The following AGO2 variants were observed in gnomAD, a reference collection of about 807,000 sequenced individuals.
AGO2 encodes the protein argonaute RISC catalytic component 2.
Under a neutral mutation model 102.3 loss-of-function variants are expected in AGO2, and 5 were observed. That is an observed-to-expected ratio of 0.05 (90% confidence interval 0.03 to 0.10). The LOEUF is 0.10. AGO2 is among the 10% of genes least tolerant of loss of function. The probability of loss-of-function intolerance (pLI) is 1.00; values close to 1 mark genes in which losing one functional copy is unlikely to be tolerated. For synonymous variants in AGO2, 449 were observed against 473.1 expected (o/e 0.95, Z 0.66); for missense variants, 541 against 1,183.7 (o/e 0.46, Z 7.97).
At chr8:140,606,746 G>A (rs2074003058) in intron 1 of AGO2, among the ~76,000 whole-genome samples, 1 of 151,992 alleles carries the variant, frequency 6.6e-6, no homozygotes, top group South Asian at 2.1e-4. Flanking sequence ...AGACCAGCCT[G>A]ACCAACATGG....
At chr8:140,618,235 G>T (rs929967625) in intron 1 of AGO2, among the ~76,000 whole-genome samples, 1 of 151,780 alleles carries the variant, frequency 6.6e-6, no homozygotes, top group Admixed American at 6.6e-5. Flanking sequence ...CAGGAGAATC[G>T]CTTGAACCCA....
At chr8:140,608,621 G>A (rs1025797013) in intron 1 of AGO2, among the ~76,000 whole-genome samples, 5 of 152,188 alleles carry the variant, frequency 3.3e-5, no homozygotes, top group Non-Finnish European at 5.9e-5. Flanking sequence ...TGGCAGCACC[G>A]CATGCCACCT....
chr8:140,542,799 C>T (rs1363410341), intron 14 of AGO2, among the ~76,000 whole-genome samples: 1 of 152,204 alleles, frequency 6.6e-6, no homozygotes, highest in African/African-American at 2.4e-5. Context: ...AGCTGTGGCT[C>T]GGTGACAGCC....
intron 1 of AGO2, among the ~76,000 whole-genome samples, chr8:140,618,294 T>C (rs1399888487): frequency 6.8e-6 from 1 of 147,504 alleles, no homozygotes; most frequent in East Asian, 2.0e-4. Context: ...CACTCTAGCC[T>C]AGGCAACAGA....
At chr8:140,587,158 G>A (rs938445222) in intron 1 of AGO2, among the ~76,000 whole-genome samples, 4 of 152,100 alleles carry the variant, frequency 2.6e-5, no homozygotes, top group South Asian at 2.1e-4. Flanking sequence ...AGCCTTCCCC[G>A]AGACTACCTC....
rs920462312 is a variant in AGO2, at chr8:140,589,169, C to G, written c.23-3858G>C. Among the ~76,000 whole-genome samples, 16 of 152,186 alleles carry G rather than the reference C, an allele frequency of 1.1e-4. No homozygotes were observed. Among genetic ancestry groups the G allele is most frequent in the African/African-American group, 3.6e-4 (15 of 41,432 alleles). On this transcript the variant is annotated intron_variant, in intron 1 of 18. Transcript: ENST00000220592. This position sits in a 1 kb window ranked among gnomAD's most constrained non-coding sequence, Gnocchi z 4.2. ...TGTGGAGCAGACTCTGTGCCACCTGCCCTGAGGGCCATCTAAGTAAGGGAC... is the reference window on the plus strand; with the variant it reads ...TGTGGAGCAGACTCTGTGCCACCTGGCCTGAGGGCCATCTAAGTAAGGGAC...
chr8:140,566,033 CAA>C (rs112182891), intron 3 of AGO2, among the ~76,000 whole-genome samples: 9 of 126,210 alleles, frequency 7.1e-5, no homozygotes, highest in African/African-American at 2.3e-4. Context: ...GAAATTGTTT[CAA>C]AAAAAAAAAA....
Position 140,525,725 on chromosome 8 carries a change from T to G in AGO2, c.*6319A>C, listed in dbSNP as rs528566013. ...AACTGTCAGATCATCGCCTGTCAAC[T>G]CAGAGTAAACTCATGGAGAAATTGG... On this transcript the variant is annotated 3_prime_UTR_variant, in exon 19 of 19. Transcript: ENST00000220592. The G allele has an allele frequency of 6.6e-6, 1 of 152,030 alleles. No homozygotes were observed. Among genetic ancestry groups the G allele is most frequent in the South Asian group, 2.1e-4 (1 of 4,810 alleles). The allele number at this position is 152,030 out of a possible 1,614,324, so 9.4% of individuals were successfully genotyped here.
At chr8:140,596,860 G>A (rs1052219854) in intron 1 of AGO2, among the ~76,000 whole-genome samples, 12 of 152,252 alleles carry the variant, frequency 7.9e-5, no homozygotes, top group Middle Eastern at 3.4e-3. Flanking sequence ...CTGCTGTGTC[G>A]TCGTGACCGC....
In AGO2 at chr8:140,588,983, G is replaced by A. The variant is rs548030560; in HGVS notation, c.23-3672C>T. ...AGGGAAAAATAGTGAATGAGTAATCGGCTTCCTGTGTGAGCAACTGGGTCA... is the reference window on the plus strand; with the variant it reads ...AGGGAAAAATAGTGAATGAGTAATCAGCTTCCTGTGTGAGCAACTGGGTCA... On this transcript the variant is annotated intron_variant, in intron 1 of 18. Transcript: ENST00000220592. 4.0e-4 allele frequency among the ~76,000 whole-genome samples: 61 copies of A among 152,338 alleles called. 1 individual carries two copies. In the South Asian group the frequency reaches 0.01, roughly 25 times the overall value.
In AGO2 at chr8:140,529,881, A is replaced by T. The variant is rs1375968336; in HGVS notation, c.*2163T>A. 6.6e-6 allele frequency: 1 copy of T among 152,242 alleles called. No homozygotes were observed. Among genetic ancestry groups the T allele is most frequent in the African/African-American group, 2.4e-5 (1 of 41,460 alleles). 9.4% of individuals were successfully genotyped at this position (152,242 alleles called of 1,614,324 possible). A position where few individuals can be genotyped will look rare whatever the true frequency, so the allele number is the denominator to read the frequency against. On this transcript the variant is annotated 3_prime_UTR_variant, in exon 19 of 19. Transcript: ENST00000220592. Reference sequence around the variant, plus strand: ...ACACCTTTGAGACACATGGTTCCAGATGATTGTAAAAATGGCTGGAAACTA... The same window carrying T: ...ACACCTTTGAGACACATGGTTCCAGTTGATTGTAAAAATGGCTGGAAACTA...
At chr8:140,571,446 C>T (rs539537591) in intron 3 of AGO2, among the ~76,000 whole-genome samples, 2 of 152,224 alleles carry the variant, frequency 1.3e-5, no homozygotes, top group Admixed American at 6.5e-5. Context: ...CTACAGCAAG[C>T]GTGATTGCAC....
At chr8:140,635,715 AG>A (rs2074401074), upstream of AGO2, 1 of 54,370 alleles carries the variant, frequency 1.8e-5, no homozygotes, top group African/African-American at 7.0e-5. Context: ...AGGAGGAGGG[AG>A]GGGGAGGGGA....
intron 12 of AGO2, among the ~76,000 whole-genome samples, chr8:140,548,276 A>G (rs1192724332): frequency 4.8e-5 from 7 of 144,748 alleles, no homozygotes; most frequent in Non-Finnish European, 1.0e-4. Context: ...AAATCACACC[A>G]CTGCACTCCA....
rs1382626974 is a variant in AGO2, at chr8:140,567,923, G to A, written c.336+4889C>T. ...GCTGGATCGCTTGAGCTCAGGAGTT[G>A]CAGACCAGCCCGGGCAATGTGGCAA... is the stretch of plus-strand genomic sequence containing the variant. On this transcript the variant is annotated intron_variant, in intron 3 of 18. Transcript: ENST00000220592. The surrounding 1 kb of genome is among the most constrained non-coding windows in gnomAD (Gnocchi z 5.0). 2.0e-5 allele frequency among the ~76,000 whole-genome samples: 3 copies of A among 152,096 alleles called. No individual in the cohort carries two copies. The highest frequency in any genetic ancestry group is 4.4e-5 in the Non-Finnish European group (3 of 68,008).
At position 140,548,795 on chromosome 8, in the gene AGO2, C is replaced by T. The variant is rs545591859; in HGVS notation, c.1588+319G>A. 3.3e-5 allele frequency among the ~76,000 whole-genome samples: 5 copies of T among 152,250 alleles called. No homozygotes were observed. The East Asian group carries it at 5.8e-4, about 18-fold the overall frequency. Reference sequence around the variant, plus strand: ...GGTGACCCTGGTGCAACGCTCTGTGCGTTAAACAAACGTTCCCCCATCCAG... The same window carrying T: ...GGTGACCCTGGTGCAACGCTCTGTGTGTTAAACAAACGTTCCCCCATCCAG... On this transcript the variant is annotated intron_variant, in intron 12 of 18. Transcript: ENST00000220592.
At chr8:140,614,029 A>AAAAAAAG (rs2074111803) in intron 1 of AGO2, among the ~76,000 whole-genome samples, 1 of 149,920 alleles carries the variant, frequency 6.7e-6, no homozygotes, top group Non-Finnish European at 1.5e-5. Context: ...AAAAAAAAAA[A>AAAAAAAG]AAAAAAAAAA....
At position 140,604,431 on chromosome 8, in the gene AGO2, G is replaced by A. The variant is rs138808602; in HGVS notation, c.23-19120C>T. Among the ~76,000 whole-genome samples the A allele has an allele frequency of 8.1e-4, 124 of 152,320 alleles. 1 individual carries two copies. The East Asian group carries it at 0.024, about 29-fold the overall frequency. ...TTTTTGGCTGGGCGCGGTGGCTCAC[G>A]CCTGTAATCCCAGCACTTTGGGAGG... is the stretch of plus-strand genomic sequence containing the variant. On this transcript the variant is annotated intron_variant, in intron 1 of 18. Transcript: ENST00000220592.
chr8:140,539,524 G>A lies in AGO2; in HGVS notation c.2035-70C>T. ...CATGTGAGCAACGGTCCCACGTGCG[G>A]GTTCTGGGTTGAGAACACCCAGCCG... On this transcript the variant is annotated intron_variant, in intron 15 of 18. Coordinates refer to ENST00000220592, the MANE Select transcript of AGO2 (RefSeq NM_012154.5). The surrounding 1 kb of genome is among the most constrained non-coding windows in gnomAD (Gnocchi z 4.7). The A allele has an allele frequency of 6.5e-7, 1 of 1,529,052 alleles. No homozygotes were observed. Among genetic ancestry groups the A allele is most frequent in the Non-Finnish European group, 8.9e-7 (1 of 1,128,550 alleles). 94.7% of individuals were successfully genotyped at this position (1,529,052 alleles called of 1,614,324 possible). A position where few individuals can be genotyped will look rare whatever the true frequency, so the allele number is the denominator to read the frequency against.
Sources: allele counts gnomAD v4.1 joint callset (sites outside exome capture counted in the v4.1 genomes callset), GRCh38; gene constraint gnomAD v4.1.1; non-coding constraint Gnocchi (gnomAD v3.1); transcripts MANE v1.5; gene names NCBI Gene and HGNC (gene_info 2026-07-23, HGNC 2026-07-21).